Variants in ZSWIM5 observed in about 807,000 individuals in gnomAD.
The protein encoded by ZSWIM5 is zinc finger SWIM-type containing 5.
A neutral mutation model predicts 119.6 loss-of-function variants in ZSWIM5; 55 were observed. The observed-to-expected ratio is 0.46, with a 90% CI of 0.37 to 0.58. The LOEUF (loss-of-function observed/expected upper bound fraction) is 0.58. ZSWIM5 is among the 20% of genes least tolerant of loss of function. ZSWIM5 has a pLI of 0.00. For missense variants in ZSWIM5, 1,193 were observed against 1,512.8 expected (o/e 0.79, Z 3.51); for synonymous variants, 537 against 606.9 (o/e 0.88, Z 1.69).
At chr1:45,164,071 A>G (rs188209212) in intron 1 of ZSWIM5, among the ~76,000 whole-genome samples, 5 of 152,328 alleles carry the variant, frequency 3.3e-5, no homozygotes, top group Admixed American at 3.3e-4. Flanking sequence ...AGCCAGAGAG[A>G]AAGGTTGGGT....
In ZSWIM5 at chr1:45,166,925, A is replaced by C. The variant is rs552070625; in HGVS notation, c.595+38831T>G. On this transcript the variant is annotated intron_variant, in intron 1 of 13. Coordinates refer to ENST00000359600, the MANE Select transcript of ZSWIM5 (RefSeq NM_020883.2). ...GGTAATTTATAGATTCAATGCCATC[A>C]CCATCAAGCTACCAATGACTTTCTT... Among the ~76,000 whole-genome samples the C allele has an allele frequency of 1.3e-3, 197 of 151,584 alleles. 1 individual carries two copies. Among genetic ancestry groups the C allele is most frequent in the African/African-American group, 4.1e-3 (171 of 41,246 alleles).
chr1:45,031,683 C>CA (rs1005175471), intron 11 of ZSWIM5, among the ~76,000 whole-genome samples: 3 of 151,402 alleles, frequency 2.0e-5, no homozygotes, highest in African/African-American at 7.3e-5. Flanking sequence ...ACTAAAAATA[C>CA]AAAAAAATTA....
intron 2 of ZSWIM5, among the ~76,000 whole-genome samples, chr1:45,078,951 A>C (rs1274014581): frequency 3.3e-5 from 5 of 152,196 alleles, no homozygotes; most frequent in Non-Finnish European, 7.3e-5. Flanking sequence ...CTGTGACCTG[A>C]ACGTATAGGT....
chr1:45,070,353 G>A, intron 2 of ZSWIM5: 1 of 1,415,288 alleles, frequency 7.1e-7, no homozygotes, highest in Non-Finnish European at 1.0e-6. Flanking sequence ...CAACGGCATG[G>A]GCAGCCAGGG....
intron 1 of ZSWIM5, among the ~76,000 whole-genome samples, chr1:45,162,631 C>CT (rs1180681098): frequency 2.0e-5 from 3 of 152,212 alleles, no homozygotes; most frequent in African/African-American, 7.2e-5. Flanking sequence ...TAATACTGTG[C>CT]TTTTCCAACG....
intron 11 of ZSWIM5, among the ~76,000 whole-genome samples, chr1:45,026,545 T>C (rs911215521): frequency 1.3e-5 from 2 of 152,236 alleles, no homozygotes; most frequent in African/African-American, 4.8e-5. Flanking sequence ...GATTTTCAAG[T>C]GTTGAGACAA....
At chr1:45,189,750 C>T (rs1646080309) in intron 1 of ZSWIM5, among the ~76,000 whole-genome samples, 1 of 151,824 alleles carries the variant, frequency 6.6e-6, no homozygotes, top group African/African-American at 2.4e-5. Context: ...AGCTGGATTT[C>T]GTCTCAAAAA....
rs535336129 is a variant in ZSWIM5 at position 45,054,659 on chromosome 1, G to A, written c.1253-3406C>T. Among the ~76,000 whole-genome samples, 206 of 136,782 alleles carry A rather than the reference G, an allele frequency of 1.5e-3. 2 individuals carry two copies. Among genetic ancestry groups the A allele is most frequent in the African/African-American group, 2.7e-3 (112 of 40,988 alleles). The allele number at this position is 136,782 out of a possible 152,430, so 89.7% of individuals were successfully genotyped here. ...GCTACTATGGAAATTAAAATTTTAC[G>A]TAATTATTAAATATTAAATATAATA... On this transcript the variant is annotated intron_variant, in intron 4 of 13. Transcript: ENST00000359600.
intron 1 of ZSWIM5, among the ~76,000 whole-genome samples, chr1:45,106,842 T>C (rs1408372730): frequency 6.6e-6 from 1 of 152,176 alleles, no homozygotes; most frequent in Non-Finnish European, 1.5e-5. Flanking sequence ...GAAGTAGACA[T>C]AGGAGACTCC....
intron 1 of ZSWIM5, among the ~76,000 whole-genome samples, chr1:45,187,715 T>C (rs1646067850): frequency 1.3e-5 from 2 of 152,098 alleles, no homozygotes; most frequent in African/African-American, 4.8e-5. Flanking sequence ...AACGGACTAG[T>C]ATCTAGAATG....
chr1:45,180,944 C>A (rs1646014018), intron 1 of ZSWIM5, among the ~76,000 whole-genome samples: 1 of 152,066 alleles, frequency 6.6e-6, no homozygotes, highest in South Asian at 2.1e-4. Context: ...ACATCACCAT[C>A]ATCAAAGACC....
Position 45,089,000 on chromosome 1 carries a change from C to T in ZSWIM5, c.596-763G>A, listed in dbSNP as rs1645348041. ...TTATCTCTGGGGTCTTGCTCTGCCA[C>T]CGAGGCTGGAGTGCAGTGGTGCAAT... is the stretch of plus-strand genomic sequence containing the variant. On this transcript the variant is annotated intron_variant, in intron 1 of 13. Coordinates refer to ENST00000359600, the MANE Select transcript of ZSWIM5 (RefSeq NM_020883.2). The surrounding 1 kb of genome is among the most constrained non-coding windows in gnomAD (Gnocchi z 4.2). Among the ~76,000 whole-genome samples, 2 of 152,158 alleles carry T rather than the reference C, an allele frequency of 1.3e-5. No individual in the cohort carries two copies. Among genetic ancestry groups the T allele is most frequent in the South Asian group, 2.1e-4 (1 of 4,826 alleles).
chr1:45,164,595 A>G (rs1557785427), intron 1 of ZSWIM5, among the ~76,000 whole-genome samples: 1 of 152,180 alleles, frequency 6.6e-6, no homozygotes, highest in Non-Finnish European at 1.5e-5. Flanking sequence ...GCAGAGACAC[A>G]CATAGGCTCA....
chr1:45,036,367 T>G, intron 8 of ZSWIM5, 68 bp from the exon 9 acceptor site: 1 of 1,527,392 alleles, frequency 6.5e-7, no homozygotes, highest in Non-Finnish European at 8.7e-7. Flanking sequence ...TTTTTTTTTT[T>G]TTTTTGAGAC....
chr1:45,023,504 C>CT (rs34813125), intron 11 of ZSWIM5, among the ~76,000 whole-genome samples: 123,500 of 139,166 alleles, frequency 0.89, 56,033 homozygotes, highest in South Asian at 0.99. Context: ...TTCCATGTCT[C>CT]TTTTTTTTTT....
intron 11 of ZSWIM5, among the ~76,000 whole-genome samples, chr1:45,021,909 C>A (rs1249775240): frequency 2.6e-5 from 4 of 151,268 alleles, no homozygotes; most frequent in Non-Finnish European, 5.9e-5. Flanking sequence ...GTAGTCCCAG[C>A]TACTAAGGAG....
At chr1:45,101,279 A>C (rs1172774300) in intron 1 of ZSWIM5, among the ~76,000 whole-genome samples, 2 of 152,212 alleles carry the variant, frequency 1.3e-5, no homozygotes, top group Non-Finnish European at 2.9e-5. Flanking sequence ...CAGCCAACAG[A>C]CACATGAAAA....
chr1:45,070,042 A>G (rs758027002), intron 2 of ZSWIM5: 29 of 825,534 alleles, frequency 3.5e-5, no homozygotes, highest in Non-Finnish European at 3.7e-5. Context: ...AAAAACCTCA[A>G]TAAGACACAC....
chr1:45,044,188 T>TC (rs1645032939), intron 5 of ZSWIM5, among the ~76,000 whole-genome samples: 1 of 66,264 alleles, frequency 1.5e-5, no homozygotes, highest in African/African-American at 4.7e-5. Flanking sequence ...AAATCCCATC[T>TC]CAAAAAAAAA....
Sources: gnomAD v4.1 joint callset for allele counts (sites outside exome capture counted in the v4.1 genomes callset) on GRCh38, gnomAD v4.1.1 for gene constraint, Gnocchi (gnomAD v3.1) non-coding constraint, MANE v1.5 for transcripts, NCBI Gene and HGNC (gene_info 2026-07-23, HGNC 2026-07-21) for gene names.